Variants in MGAM2 observed in about 807,000 individuals in gnomAD.
MGAM2 encodes probable maltase-glucoamylase 2.
Under a neutral mutation model 96.1 loss-of-function variants are expected in MGAM2, and 98 were observed. The observed-to-expected ratio is 1.02, with a 90% confidence interval of 0.87 to 1.21. The LOEUF (loss-of-function observed/expected upper bound fraction) is 1.21. MGAM2 is among the 50% of genes most tolerant of loss of function. The probability of loss-of-function intolerance (pLI) is 0.00; values close to 1 mark genes in which losing one functional copy is unlikely to be tolerated. For synonymous variants in MGAM2, 749 were observed against 414.8 expected, an observed-to-expected ratio of 1.81 and a Z score of -9.79; for missense variants, 2,055 against 1,182.4, an observed-to-expected ratio of 1.74 and a Z score of -10.82.
intron 29 of MGAM2, 77 bp downstream of exon 29, chr7:142,172,271 A>G (rs1479810003): frequency 3.3e-6 from 2 of 615,272 alleles, no homozygotes; most frequent in East Asian, 2.8e-5. Flanking sequence ...ATCAATAGAA[A>G]TAGAGACATT....
intron 28 of MGAM2, among the ~76,000 whole-genome samples, 197 bp downstream of exon 28, chr7:142,171,637 T>TATATATATATATATAC (rs1796193782): frequency 1.1e-5 from 1 of 94,266 alleles, no homozygotes; most frequent in Non-Finnish European, 2.0e-5. Flanking sequence ...TATATATATA[T>TATATATATATATATAC]ATATATATAT....
intron 32 of MGAM2, 94 bp from the exon 33 acceptor site, chr7:142,183,172 T>G (rs535077308): frequency 1.5e-5 from 9 of 614,258 alleles, no homozygotes; most frequent in Non-Finnish European, 2.3e-5. Flanking sequence ...AGATTCACCA[T>G]TTCCTTCTGC....
chr7:142,112,257 C>T (rs1332170380), intron 1 of MGAM2, among the ~76,000 whole-genome samples: 1 of 152,086 alleles, frequency 6.6e-6, no homozygotes, highest in Non-Finnish European at 1.5e-5. Flanking sequence ...CCCATCCTGT[C>T]CTCTGCCTGA....
At chr7:142,203,353 A>G (rs1797296870) in intron 45 of MGAM2, among the ~76,000 whole-genome samples, 1 of 152,186 alleles carries the variant, frequency 6.6e-6, no homozygotes, top group South Asian at 2.1e-4. Context: ...TTTTGCCAAG[A>G]CCAACGTTGA....
rs148640004 is a variant in MGAM2 at position 142,148,111 on chromosome 7, G to A, written c.1634+538G>A. Among the ~76,000 whole-genome samples, 155 of 151,016 alleles carry A rather than the reference G, an allele frequency of 1.0e-3. No homozygotes were observed. In the South Asian group the frequency reaches 0.017, roughly 17 times the overall value. The stretch of plus-strand genomic sequence containing the variant: ...AAGACACACACACATGCACACACAC[G>A]TGCACACACAACTATCACCATCACC... On this transcript the variant is annotated intron_variant, in intron 15 of 47. Coordinates refer to ENST00000477922, the MANE Select transcript of MGAM2 (RefSeq NM_001293626.2). The surrounding 1 kb of genome is among the most constrained non-coding windows in gnomAD (Gnocchi z 4.2).
At chr7:142,201,082 C>CTTTTTTTTTTTTT (rs1314170979) in intron 45 of MGAM2, among the ~76,000 whole-genome samples, 38 of 108,538 alleles carry the variant, frequency 3.5e-4, no homozygotes, top group Admixed American at 4.8e-4. Flanking sequence ...TTTTTTTTTT[C>CTTTTTTTTTTTTT]TTTTTTTTTT....
intron 45 of MGAM2, among the ~76,000 whole-genome samples, chr7:142,203,181 C>T (rs1193561558): frequency 1.3e-5 from 2 of 152,072 alleles, no homozygotes; most frequent in Non-Finnish European, 2.9e-5. Context: ...GGATGTTAGA[C>T]CTTTGTTGGA....
At chr7:142,149,932 G>T (rs940943166) in intron 15 of MGAM2, among the ~76,000 whole-genome samples, 13 of 150,774 alleles carry the variant, frequency 8.6e-5, no homozygotes, top group African/African-American at 2.9e-4. Context: ...GATCATTTTT[G>T]AAGCTGTTAA....
chr7:142,202,034 A>G (rs999838965), intron 45 of MGAM2, among the ~76,000 whole-genome samples: 8 of 152,246 alleles, frequency 5.3e-5, no homozygotes, highest in Non-Finnish European at 8.8e-5. Flanking sequence ...GGATGAATGT[A>G]AAAGGCATTT....
chr7:142,166,074 C>A, intron 24 of MGAM2, 24 bp from the exon 25 acceptor site: 1 of 665,630 alleles, frequency 1.5e-6, no homozygotes, highest in Admixed American at 2.2e-5. Context: ...CTTCCTTTGT[C>A]ACTGTGACTG....
At chr7:142,213,416 A>G (rs1420820093) in intron 46 of MGAM2, among the ~76,000 whole-genome samples, 1 of 152,214 alleles carries the variant, frequency 6.6e-6, no homozygotes, top group African/African-American at 2.4e-5. Context: ...CAGAATAGTT[A>G]GACCGCTAGC....
At chr7:142,183,994 A>C (rs1796620194) in intron 33 of MGAM2, among the ~76,000 whole-genome samples, 1 of 55,618 alleles carries the variant, frequency 1.8e-5, no homozygotes, top group Non-Finnish European at 3.7e-5. Flanking sequence ...TTTTTTTGAG[A>C]TGGAGTGTCA....
At chr7:142,112,760 ATCTG>A (rs567156859) in intron 1 of MGAM2, among the ~76,000 whole-genome samples, 45 of 152,184 alleles carry the variant, frequency 3.0e-4, no homozygotes, top group Non-Finnish European at 5.6e-4. Context: ...AAATCATGAT[ATCTG>A]TCTGATCAGC....
chr7:142,200,302 GA>G, intron 45 of MGAM2, among the ~76,000 whole-genome samples: 1 of 152,160 alleles, frequency 6.6e-6, no homozygotes, highest in Non-Finnish European at 1.5e-5. Context: ...CAATGGGACA[GA>G]AACATGACTC....
intron 3 of MGAM2, among the ~76,000 whole-genome samples, chr7:142,124,338 C>T (rs1463559496): frequency 6.6e-6 from 1 of 151,876 alleles, no homozygotes; most frequent in Non-Finnish European, 1.5e-5. Context: ...CCATCTTTTT[C>T]CCTCTGCATT....
At chr7:142,189,984 T>C (rs896779967) in intron 37 of MGAM2, among the ~76,000 whole-genome samples, 4 of 152,212 alleles carry the variant, frequency 2.6e-5, no homozygotes, top group Non-Finnish European at 5.9e-5. Flanking sequence ...TTGTAGCATG[T>C]ATCAGTACTT....
intron 1 of MGAM2, among the ~76,000 whole-genome samples, chr7:142,115,658 C>G (rs887414733): frequency 6.6e-6 from 1 of 152,006 alleles, no homozygotes; most frequent in African/African-American, 2.4e-5. Flanking sequence ...CCAGCCTGAC[C>G]AACATGAAGA....
intron 37 of MGAM2, among the ~76,000 whole-genome samples, chr7:142,192,045 A>G (rs1290261835): frequency 1.3e-5 from 2 of 152,178 alleles, no homozygotes; most frequent in African/African-American, 4.8e-5. Flanking sequence ...TTCCCAGGAC[A>G]GAGTGTGATC....
chr7:142,126,479 T>C (rs1794737310), intron 3 of MGAM2, among the ~76,000 whole-genome samples: 1 of 151,658 alleles, frequency 6.6e-6, no homozygotes, highest in Non-Finnish European at 1.5e-5. Flanking sequence ...CTCAAATCAT[T>C]TGGGCAATTT....
Sources: gnomAD v4.1 joint callset for allele counts (sites outside exome capture counted in the v4.1 genomes callset) on GRCh38, gnomAD v4.1.1 for gene constraint, Gnocchi (gnomAD v3.1) non-coding constraint, MANE v1.5 for transcripts, NCBI Gene and HGNC (gene_info 2026-07-23, HGNC 2026-07-21) for gene names.